GPR149: variants seen among roughly 807,000 people sequenced by gnomAD.
The protein encoded by GPR149 is G protein-coupled receptor 149, also known as probable G protein-coupled receptor 149.
Under a neutral mutation model 50.2 loss-of-function variants are expected in GPR149, and 50 were observed. The ratio of observed to expected loss-of-function variants is 1.00; its 90% confidence interval spans 0.79 to 1.26. The LOEUF is 1.26. Among genes scored for constraint, GPR149 ranks in the 50% most tolerant of loss-of-function variants. The pLI is 0.00. For missense variants in GPR149, 983 were observed against 895.4 expected (o/e 1.10, Z -1.25); for synonymous variants, 405 against 358.2 (o/e 1.13, Z -1.48).
At chr3:154,374,645 T>G (rs968819109) in intron 3 of GPR149, among the ~76,000 whole-genome samples, 1 of 152,288 alleles carries the variant, frequency 6.6e-6, no homozygotes, top group Admixed American at 6.5e-5. Flanking sequence ...AGAGGAACAT[T>G]GGCATGCCAA....
At chr3:154,428,219 G>A (rs1348467995) in intron 1 of GPR149, among the ~76,000 whole-genome samples, 1 of 152,200 alleles carries the variant, frequency 6.6e-6, no homozygotes, top group African/African-American at 2.4e-5. Flanking sequence ...TGCTGGAGAT[G>A]GGCGTCGTCC....
At chr3:154,413,018 T>C (rs1711884809) in intron 3 of GPR149, among the ~76,000 whole-genome samples, 2 of 152,014 alleles carry the variant, frequency 1.3e-5, no homozygotes, top group Non-Finnish European at 2.9e-5. Context: ...AGTCAACTCA[T>C]CTTTGACAAA....
chr3:154,368,141 G>T (rs537822306), intron 3 of GPR149, among the ~76,000 whole-genome samples: 87 of 152,264 alleles, frequency 5.7e-4, no homozygotes, highest in African/African-American at 2.0e-3. Context: ...AGATTTCCTG[G>T]TTGAGACCAT....
chr3:154,367,024 G>T (rs952183664), intron 3 of GPR149, among the ~76,000 whole-genome samples: 1 of 152,122 alleles, frequency 6.6e-6, no homozygotes, highest in African/African-American at 2.4e-5. Context: ...GAAATGTATT[G>T]CTCACTGTTC....
chr3:154,362,038 A>G (rs1336407719), intron 3 of GPR149, among the ~76,000 whole-genome samples: 1 of 152,186 alleles, frequency 6.6e-6, no homozygotes, highest in East Asian at 1.9e-4. Flanking sequence ...AGAACTACTG[A>G]CTTAGAATAT....
intron 3 of GPR149, among the ~76,000 whole-genome samples, chr3:154,374,622 C>T (rs1045687564): frequency 6.6e-6 from 1 of 152,020 alleles, no homozygotes; most frequent in Non-Finnish European, 1.5e-5. Context: ...TTCTGATTTT[C>T]AAAAAGCAAA....
rs1473794091 is a variant in GPR149 at position 154,379,006 on chromosome 3, C to T, written c.1624-40735G>A. 4.8e-3 allele frequency among the ~76,000 whole-genome samples: 4 copies of T among 830 alleles called. 2 individuals carry two copies. The highest frequency in any genetic ancestry group is 0.012 in the African/African-American group (4 of 324). 0.5% of individuals were successfully genotyped at this position (830 alleles called of 152,430 possible). Reference sequence around the variant, plus strand: ...CTGTAATCCCAGCACTTTGGGAGGCCGAGGCGGGTGGATCATGAGGTCAGG... The same window carrying T: ...CTGTAATCCCAGCACTTTGGGAGGCTGAGGCGGGTGGATCATGAGGTCAGG... On this transcript the variant is annotated intron_variant, in intron 3 of 3. Coordinates refer to ENST00000389740, the MANE Select transcript of GPR149 (RefSeq NM_001038705.3).
intron 3 of GPR149, among the ~76,000 whole-genome samples, chr3:154,415,588 C>A (rs1019702128): frequency 6.6e-6 from 1 of 151,812 alleles, no homozygotes; most frequent in African/African-American, 2.4e-5. Flanking sequence ...AAAAGCAGAG[C>A]GCATGCAGTA....
intron 3 of GPR149, among the ~76,000 whole-genome samples, chr3:154,403,233 A>G (rs1343539145): frequency 1.3e-5 from 2 of 152,184 alleles, no homozygotes; most frequent in Non-Finnish European, 2.9e-5. Flanking sequence ...CAGCATCTGA[A>G]AGCATTTTTT....
At chr3:154,353,964 T>C (rs1431949828) in intron 3 of GPR149, 11 of 484,936 alleles carry the variant, frequency 2.3e-5, no homozygotes, top group Non-Finnish European at 1.5e-5. Context: ...TCTAGTTTAT[T>C]ATCACTTGAT....
chr3:154,402,278 C>A (rs191315308), intron 3 of GPR149, among the ~76,000 whole-genome samples: 1 of 152,072 alleles, frequency 6.6e-6, no homozygotes, highest in East Asian at 1.9e-4. Context: ...GCAGGCCAGG[C>A]ACCATGGCTC....
intron 3 of GPR149, 93 bp downstream of exon 3, chr3:154,420,946 T>C (rs939030245): frequency 2.2e-6 from 2 of 897,706 alleles, no homozygotes; most frequent in Non-Finnish European, 3.4e-6. Context: ...ATGTTGGGCT[T>C]GATTGAATAA....
At chr3:154,360,629 T>C (rs1405134039) in intron 3 of GPR149, among the ~76,000 whole-genome samples, 1 of 152,194 alleles carries the variant, frequency 6.6e-6, no homozygotes, top group Non-Finnish European at 1.5e-5. Context: ...ATTCAATTTA[T>C]TCATTCACTA....
chr3:154,352,475 G>A (rs1714103748), intron 3 of GPR149: 1 of 786,624 alleles, frequency 1.3e-6, no homozygotes, highest in South Asian at 1.3e-5. Context: ...TTCCTTTCAG[G>A]AGGCACACAC....
intron 3 of GPR149, among the ~76,000 whole-genome samples, chr3:154,357,710 A>G (rs1714274049): frequency 6.6e-6 from 1 of 152,232 alleles, no homozygotes; most frequent in Non-Finnish European, 1.5e-5. Context: ...AACTAGTTCG[A>G]CCATTGTGGA....
At chr3:154,409,490 T>C (rs1236249835) in intron 3 of GPR149, among the ~76,000 whole-genome samples, 1 of 151,896 alleles carries the variant, frequency 6.6e-6, no homozygotes, top group Non-Finnish European at 1.5e-5. Flanking sequence ...TGATACAGGA[T>C]ACGAAAGGAA....
intron 3 of GPR149, among the ~76,000 whole-genome samples, chr3:154,387,404 G>C (rs1189398976): frequency 6.6e-6 from 1 of 152,158 alleles, no homozygotes; most frequent in African/African-American, 2.4e-5. Context: ...GAATGTTTCA[G>C]ACCCAGCCTT....
intron 3 of GPR149, among the ~76,000 whole-genome samples, chr3:154,415,566 T>C (rs2108426374): frequency 1.3e-5 from 2 of 152,070 alleles, no homozygotes; most frequent in East Asian, 3.9e-4. Flanking sequence ...AAAGTTATGC[T>C]GTGAAGTGGA....
At chr3:154,388,535 T>C (rs1715096300) in intron 3 of GPR149, among the ~76,000 whole-genome samples, 1 of 152,186 alleles carries the variant, frequency 6.6e-6, no homozygotes, top group Non-Finnish European at 1.5e-5. Context: ...AATTGTGCTT[T>C]TACCTGAGGG....
Sources: gnomAD v4.1 joint callset for allele counts (sites outside exome capture counted in the v4.1 genomes callset) on GRCh38, gnomAD v4.1.1 for gene constraint, MANE v1.5 for transcripts, NCBI Gene and HGNC (gene_info 2026-07-23, HGNC 2026-07-21) for gene names.